PHLDB1: variants seen among roughly 807,000 people sequenced by gnomAD.
PHLDB1 encodes the protein pleckstrin homology-like domain family B member 1.
A neutral mutation model predicts 139.3 loss-of-function variants in PHLDB1; 65 were observed. The ratio of observed to expected loss-of-function variants is 0.47; its 90% CI spans 0.38 to 0.57. PHLDB1 has a LOEUF of 0.57. Among genes scored for constraint, PHLDB1 ranks in the 20% least tolerant of loss-of-function variants. The probability of loss-of-function intolerance (pLI) is 0.00; values close to 1 mark genes in which losing one functional copy is unlikely to be tolerated. For missense variants in PHLDB1, 1,624 were observed against 1,839.7 expected (o/e 0.88, Z 2.14); for synonymous variants, 679 against 734.5 (o/e 0.92, Z 1.22).
chr11:118,618,437 T>A (rs1385258581), intron 4 of PHLDB1, among the ~76,000 whole-genome samples: 1 of 152,106 alleles, frequency 6.6e-6, no homozygotes, highest in Admixed American at 6.5e-5. Context: ...CCCTGGAAAC[T>A]GGGTGGCTCG....
Position 118,648,063 on chromosome 11 carries a change from A to G in PHLDB1, c.3641A>G (p.Lys1214Arg), listed in dbSNP as rs1555131593. ...LVEKEVKMRE[K>R]QFSQARPLTR... ...GAGAAGGAGGTCAAGATGCGGGAGA[A>G]ACAATTTTCCCAGGTGAATGGGCAG... The change falls in exon 18 of 23, where the codon AAA becomes AGA. Residue 1214 changes from lysine (K) to arginine (R), a missense_variant. Physicochemically the swap from Lys to Arg is conservative, Grantham distance 26 (BLOSUM62 2). Coordinates refer to ENST00000600882, the MANE Select transcript of PHLDB1 (RefSeq NM_001144758.3). 1 of 1,613,552 alleles carries G rather than the reference A, an allele frequency of 6.2e-7. No homozygotes were observed. Among genetic ancestry groups the G allele is most frequent in the South Asian group, 1.1e-5 (1 of 90,922 alleles).
chr11:118,630,582 A>G (rs7936556), intron 6 of PHLDB1, among the ~76,000 whole-genome samples: 87,239 of 151,996 alleles, frequency 0.57, 25,225 homozygotes, highest in East Asian at 0.72. Context: ...GTCTGCATAC[A>G]TGCCCACCTG....
Position 118,643,835 on chromosome 11 carries a change from C to A in PHLDB1, c.2913C>A (p.Ser971Arg). The change falls in exon 14 of 23, where the codon AGC (serine) becomes AGA (arginine). Residue 971 changes from serine (S) to arginine (R), a missense_variant. Transcript: ENST00000600882. ...YRSKMDGEAT[S>R]PLPRTRSGPL... ...CCAAGATGGATGGCGAGGCCACCAG[C>A]CCCCTTCCCCGGACCCGCAGCGGCC... 1 of 1,614,048 alleles carries A rather than the reference C, an allele frequency of 6.2e-7. No homozygotes were observed.
intron 20 of PHLDB1, chr11:118,654,575 CAGTACA>C (rs1948764237): frequency 6.6e-6 from 1 of 151,986 alleles, no homozygotes; most frequent in Admixed American, 6.5e-5. Flanking sequence ...AGGTGGCATA[CAGTACA>C]TTCTTTTTAC....
rs1555087314 is a variant in PHLDB1 at position 118,614,681 on chromosome 11, A to C, written c.183A>C (p.Glu61Asp). ...CCATCACCCTCCTGCCGCTGGAGGA[A>C]GGTAAGTGTGAACAGGGCATCTCAC... ...STAITLLPLE[E>D]GRTVIGSAAR... Residue 61 changes from glutamate (E) to aspartate (D), a missense_variant and splice_region_variant, in exon 3 of 23, where the codon GAA becomes GAC. Glu to Asp is a conservative substitution (Grantham distance 45). Coordinates refer to ENST00000600882, the MANE Select transcript of PHLDB1 (RefSeq NM_001144758.3). 1 of 1,613,380 alleles carries C rather than the reference A, an allele frequency of 6.2e-7. No homozygotes were observed. Among genetic ancestry groups the C allele is most frequent in the African/African-American group, 1.3e-5 (1 of 74,906 alleles).
chr11:118,616,282 C>A, intron 4 of PHLDB1, 71 bp downstream of exon 4: 1 of 1,408,580 alleles, frequency 7.1e-7, no homozygotes, highest in Non-Finnish European at 9.8e-7. Context: ...ACAGGGGAGG[C>A]TGGCTGTGGT....
intron 6 of PHLDB1, among the ~76,000 whole-genome samples, chr11:118,628,870 T>C (rs1944319824): frequency 6.6e-6 from 1 of 152,280 alleles, no homozygotes; most frequent in Non-Finnish European, 1.5e-5. Context: ...AAATTCTTGC[T>C]AATTTTGCAT....
intron 6 of PHLDB1, among the ~76,000 whole-genome samples, chr11:118,630,309 G>A (rs1431267103): frequency 1.3e-5 from 2 of 152,192 alleles, no homozygotes; most frequent in South Asian, 2.1e-4. Context: ...GCCCCTGAGA[G>A]GTGACTGTAT....
chr11:118,644,634 TC>T (rs201097422), intron 15 of PHLDB1: 13,463 of 1,283,128 alleles, frequency 0.01, 139 homozygotes, highest in South Asian at 0.027. Flanking sequence ...CTGCCTGGGG[TC>T]CCCCACGCCA....
In PHLDB1 at chr11:118,620,951, T is replaced by C. The variant is rs994183263; in HGVS notation, c.356-3983T>C. Reference sequence around the variant, plus strand: ...CCTCTCTCTCTCAGATATGGACCCATGGAATGTCAGAGTTGACTTTCTGTA... The same window carrying C: ...CCTCTCTCTCTCAGATATGGACCCACGGAATGTCAGAGTTGACTTTCTGTA... On this transcript the variant is annotated intron_variant, in intron 4 of 22. Coordinates refer to ENST00000600882, the MANE Select transcript of PHLDB1 (RefSeq NM_001144758.3). The surrounding 1 kb of genome is among the most constrained non-coding windows in gnomAD (Gnocchi z 4.1). 6.6e-6 allele frequency among the ~76,000 whole-genome samples: 1 copy of C among 152,072 alleles called. No individual in the cohort carries two copies. The highest frequency in any genetic ancestry group is 6.5e-5 in the Admixed American group (1 of 15,278).
intron 4 of PHLDB1, among the ~76,000 whole-genome samples, chr11:118,618,864 A>G (rs1452792721): frequency 6.6e-6 from 1 of 151,534 alleles, no homozygotes; most frequent in Non-Finnish European, 1.5e-5. Flanking sequence ...CTTCATGACA[A>G]GCAGAGATGG....
In PHLDB1 at chr11:118,613,833, G is replaced by A. The variant is rs200801814; in HGVS notation, c.-4G>A. 3.1e-6 allele frequency: 5 copies of A among 1,611,396 alleles called. No individual in the cohort carries two copies. In the Admixed American group the frequency reaches 6.7e-5, roughly 22 times the overall value. The stretch of plus-strand genomic sequence containing the variant: ...GTCCCTAGGAGCTCTGGAGCCTTAG[G>A]ACCATGGACGCTCTCAATAGGAACC... On this transcript the variant is annotated 5_prime_UTR_variant, in exon 2 of 23. Coordinates refer to ENST00000600882, the MANE Select transcript of PHLDB1 (RefSeq NM_001144758.3).
intron 14 of PHLDB1, 27 bp downstream of exon 14, chr11:118,643,967 C>A: frequency 6.3e-7 from 1 of 1,590,816 alleles, no homozygotes. Context: ...TGGGGCTGCA[C>A]ATGTGGCTGG....
intron 12 of PHLDB1, chr11:118,641,309 C>G (rs1946473996): frequency 6.3e-6 from 1 of 159,424 alleles, no homozygotes. Flanking sequence ...CTGGGTGGAG[C>G]TAGGGGGACA....
Position 118,650,252 on chromosome 11 carries a change from C to G in PHLDB1, c.3771+59C>G. ...AGAGGGAGAATCCCGTGGTGAGAGG[C>G]ACCTCCTGGGTCGTTGGAATAGTGG... is the stretch of plus-strand genomic sequence containing the variant. On this transcript the variant is annotated intron_variant, in intron 19 of 22. Coordinates refer to ENST00000600882, the MANE Select transcript of PHLDB1 (RefSeq NM_001144758.3). This position sits in a 1 kb window ranked among gnomAD's most constrained non-coding sequence, Gnocchi z 4.7. 7.6e-7 allele frequency: 1 copy of G among 1,315,760 alleles called. No homozygotes were observed. The highest frequency in any genetic ancestry group is 1.1e-6 in the Non-Finnish European group (1 of 908,432). The allele number at this position is 1,315,760 out of a possible 1,614,324, so 81.5% of individuals were successfully genotyped here. A position where few individuals can be genotyped will look rare whatever the true frequency, so the allele number is the denominator to read the frequency against.
chr11:118,613,168 T>C lies in PHLDB1; in HGVS notation c.-21-648T>C, dbSNP rs1303077992. The C allele has an allele frequency of 3.7e-5, 16 of 433,688 alleles. No individual in the cohort carries two copies. In the Admixed American group the frequency reaches 9.6e-4, roughly 26 times the overall value. The allele number at this position is 433,688 out of a possible 1,614,324, so 26.9% of individuals were successfully genotyped here. On this transcript the variant is annotated intron_variant, in intron 1 of 22. Transcript: ENST00000600882. ...TATCACTAAAGTTTTTTGTTTTTAA[T>C]TAAAAAAAATTTTTTTAGCTGATTG...
chr11:118,610,887 C>G lies in PHLDB1; in HGVS notation c.-21-2929C>G, dbSNP rs1408806110. ...CGCACAGAGGGCCTTGCCTGTCGCT[C>G]GTCAAATCCAGACACCTGGGCCTCC... On this transcript the variant is annotated intron_variant, in intron 1 of 22. Coordinates refer to ENST00000600882, the MANE Select transcript of PHLDB1 (RefSeq NM_001144758.3). This position sits in a 1 kb window ranked among gnomAD's most constrained non-coding sequence, Gnocchi z 8.7. Among the ~76,000 whole-genome samples the G allele has an allele frequency of 1.3e-5, 2 of 152,332 alleles. No homozygotes were observed. The highest frequency in any genetic ancestry group is 1.9e-4 in the East Asian group (1 of 5,170).
rs984963196 is a variant in PHLDB1 at position 118,645,143 on chromosome 11, C to T, written c.3122-213C>T. 8.6e-5 allele frequency: 43 copies of T among 497,758 alleles called. No individual in the cohort carries two copies. Among genetic ancestry groups the T allele is most frequent in the Non-Finnish European group, 1.3e-4 (36 of 285,334 alleles). The allele number at this position is 497,758 out of a possible 1,614,324, so 30.8% of individuals were successfully genotyped here. On this transcript the variant is annotated intron_variant, in intron 15 of 22. Transcript: ENST00000600882. This position sits in a 1 kb window ranked among gnomAD's most constrained non-coding sequence, Gnocchi z 5.1. ...GGTGCGAAAGAGCACTGAAGCCAGA[C>T]TGTGCATCTGTGGCCGGTTGTGCAG...
chr11:118,648,213 CAG>C (rs1484437028), intron 18 of PHLDB1, 137 bp downstream of exon 18: 2 of 882,560 alleles, frequency 2.3e-6, no homozygotes, highest in Non-Finnish European at 3.5e-6. Flanking sequence ...TTAATACTAG[CAG>C]AATTCTACCT....
Sources: gnomAD v4.1 joint callset for allele counts (sites outside exome capture counted in the v4.1 genomes callset) on GRCh38, gnomAD v4.1.1 for gene constraint, Gnocchi (gnomAD v3.1) non-coding constraint, MANE v1.5 for transcripts, NCBI Gene and HGNC (gene_info 2026-07-23, HGNC 2026-07-21) for gene names.